The following SNX7 variants were observed in gnomAD, a reference collection of about 807,000 sequenced individuals.
The protein encoded by SNX7 is sorting nexin-7.
Under a neutral mutation model 48.4 loss-of-function variants are expected in SNX7, and 35 were observed. That is an observed-to-expected ratio of 0.72 (90% CI 0.55 to 0.96). The LOEUF is 0.96. Among genes scored for constraint, SNX7 ranks in the 40% least tolerant of loss-of-function variants. SNX7 has a pLI of 0.00. For synonymous variants in SNX7, 190 were observed against 190.2 expected, an observed-to-expected ratio of 1.00 and a Z score of 0.01; for missense variants, 553 against 548.9, an observed-to-expected ratio of 1.01 and a Z score of -0.07.
At chr1:98,666,708 T>G (rs1649555446) in intron 1 of SNX7, among the ~76,000 whole-genome samples, 1 of 152,122 alleles carries the variant, frequency 6.6e-6, no homozygotes, top group Non-Finnish European at 1.5e-5. Context: ...TCCTTGAACT[T>G]GGGTGGGATT....
chr1:98,732,995 A>G (rs11166093), intron 7 of SNX7, among the ~76,000 whole-genome samples: 27 of 152,222 alleles, frequency 1.8e-4, no homozygotes, highest in Non-Finnish European at 3.2e-4. Flanking sequence ...CGGTGTATCC[A>G]TATTACCTCC....
chr1:98,688,370 A>T (rs996688440), intron 2 of SNX7, among the ~76,000 whole-genome samples: 7 of 152,198 alleles, frequency 4.6e-5, no homozygotes, highest in African/African-American at 1.7e-4. Context: ...AGTGACTGTT[A>T]TAGAGAAGTA....
At chr1:98,728,681 A>G (rs895364995) in intron 7 of SNX7, among the ~76,000 whole-genome samples, 2 of 152,200 alleles carry the variant, frequency 1.3e-5, no homozygotes, top group African/African-American at 2.4e-5. Flanking sequence ...TTAAACCAAC[A>G]AAGATCAAAA....
chr1:98,717,249 C>T (rs1011924898), intron 7 of SNX7, among the ~76,000 whole-genome samples: 5 of 152,146 alleles, frequency 3.3e-5, no homozygotes, highest in African/African-American at 1.2e-4. Context: ...CCTAAATGTT[C>T]TGTGTGTATT....
chr1:98,667,996 TG>T (rs1454824651), intron 1 of SNX7, among the ~76,000 whole-genome samples: 1 of 152,154 alleles, frequency 6.6e-6, no homozygotes, highest in African/African-American at 2.4e-5. Flanking sequence ...ATATTTCTCT[TG>T]CAAAAAATTT....
chr1:98,691,085 G>A lies in SNX7; in HGVS notation c.374G>A (p.Gly125Glu), dbSNP rs1222604789. 1 of 1,603,652 alleles carries A rather than the reference G, an allele frequency of 6.2e-7. No individual in the cohort carries two copies. Among genetic ancestry groups the A allele is most frequent in the East Asian group, 2.3e-5 (1 of 44,366 alleles). Residue 125 changes from glycine (G) to glutamate (E), a missense_variant, in exon 3 of 9, where the codon GGG (glycine) becomes GAG (glutamate). Transcript: ENST00000306121. Reference protein sequence around the residue: ...TYRIITKTSRGEFDSSEFEVR... With the variant: ...TYRIITKTSREEFDSSEFEVR... ...TCTTACTTTCTTCAGACATCTCGTGGGGAATTTGACTCCAGTGAATTTGAA... is the reference window on the plus strand; with the variant it reads ...TCTTACTTTCTTCAGACATCTCGTGAGGAATTTGACTCCAGTGAATTTGAA...
rs1651102289 is a variant in SNX7, at chr1:98,691,185, A to G, written c.474A>G (p.Pro158=). The change falls in exon 3 of 9, where the codon CCA becomes CCG. Residue 158 remains proline (P), a splice_region_variant and synonymous_variant. Coordinates refer to ENST00000306121, the MANE Select transcript of SNX7 (RefSeq NM_015976.5). ...LEEAHPTLII[P]PLPEKFIVKG... is the part of the protein sequence containing the mutation. The stretch of plus-strand genomic sequence containing the variant: ...AAGCACACCCCACTCTGATTATTCC[A>G]GTAAGTTTGCAAAATTTTTTTTTTC... 1.3e-6 allele frequency: 2 copies of G among 1,586,218 alleles called. No individual in the cohort carries two copies. The highest frequency in any genetic ancestry group is 1.2e-5 in the South Asian group (1 of 85,984).
At chr1:98,684,765 TA>T (rs1650693119) in intron 1 of SNX7, 119 bp from the exon 2 acceptor site, 1 of 675,304 alleles carries the variant, frequency 1.5e-6, no homozygotes. Flanking sequence ...ATACCACATT[TA>T]ACTAAAAGTC....
chr1:98,732,152 T>G (rs191481593), intron 7 of SNX7, among the ~76,000 whole-genome samples: 1 of 152,280 alleles, frequency 6.6e-6, no homozygotes, highest in East Asian at 1.9e-4. Context: ...TTAAATACAT[T>G]TTTGGCTTAC....
chr1:98,746,228 T>G (rs1654302727), intron 8 of SNX7, among the ~76,000 whole-genome samples: 1 of 152,040 alleles, frequency 6.6e-6, no homozygotes, highest in Non-Finnish European at 1.5e-5. Flanking sequence ...ACAAATAACT[T>G]TTTAAAAATT....
At chr1:98,756,290 T>C (rs1269008995) in intron 8 of SNX7, among the ~76,000 whole-genome samples, 1 of 151,854 alleles carries the variant, frequency 6.6e-6, no homozygotes, top group Non-Finnish European at 1.5e-5. Flanking sequence ...GATTTTGCTA[T>C]TTTTAATTCA....
intron 2 of SNX7, among the ~76,000 whole-genome samples, chr1:98,689,138 C>T (rs1046002690): frequency 1.8e-4 from 27 of 152,090 alleles, no homozygotes; most frequent in African/African-American, 5.6e-4. Flanking sequence ...CTCCTGACCT[C>T]GTGATCTGCC....
chr1:98,711,027 A>G (rs1484331388), intron 7 of SNX7, among the ~76,000 whole-genome samples: 2 of 152,090 alleles, frequency 1.3e-5, no homozygotes, highest in East Asian at 3.9e-4. Context: ...ATAAATAGTT[A>G]TTATTTTGAG....
intron 7 of SNX7, among the ~76,000 whole-genome samples, chr1:98,737,725 G>T (rs1028284320): frequency 6.6e-6 from 1 of 152,078 alleles, no homozygotes; most frequent in African/African-American, 2.4e-5. Flanking sequence ...AGTAGAGTTT[G>T]CAGGTTAATC....
At chr1:98,719,933 T>C (rs1652777038) in intron 7 of SNX7, among the ~76,000 whole-genome samples, 2 of 149,858 alleles carry the variant, frequency 1.3e-5, no homozygotes, top group South Asian at 4.2e-4. Context: ...GTATATTATA[T>C]ATATTATTCA....
chr1:98,676,509 A>G (rs1007889602), intron 1 of SNX7, among the ~76,000 whole-genome samples: 7 of 152,172 alleles, frequency 4.6e-5, no homozygotes, highest in African/African-American at 1.7e-4. Context: ...TTCTTTCTTC[A>G]GTTAGCATAT....
chr1:98,661,921 G>A lies in SNX7; in HGVS notation c.180+10G>A. 4.0e-6 allele frequency: 5 copies of A among 1,246,930 alleles called. No individual in the cohort carries two copies. The highest frequency in any genetic ancestry group is 5.1e-6 in the Non-Finnish European group (5 of 987,370). The allele number at this position is 1,246,930 out of a possible 1,614,324, so 77.2% of individuals were successfully genotyped here. A position where few individuals can be genotyped will look rare whatever the true frequency, so the allele number is the denominator to read the frequency against. Reference sequence around the variant, plus strand: ...GGAGGTGTTCAGCAAGGTGAGGGCGGCGGCGGCGAGTCCCGGGAAACTTCC... The same window carrying A: ...GGAGGTGTTCAGCAAGGTGAGGGCGACGGCGGCGAGTCCCGGGAAACTTCC... On this transcript the variant is annotated intron_variant, in intron 1 of 8. Transcript: ENST00000306121.
At chr1:98,662,526 C>A in intron 1 of SNX7, 1 of 481,972 alleles carries the variant, frequency 2.1e-6, no homozygotes, top group Non-Finnish European at 3.3e-6. Context: ...ACAGCCAGTG[C>A]TTTCGTTTTT....
At chr1:98,702,663 G>A (rs1651810377) in intron 7 of SNX7, among the ~76,000 whole-genome samples, 1 of 152,038 alleles carries the variant, frequency 6.6e-6, no homozygotes, top group Non-Finnish European at 1.5e-5. Flanking sequence ...AGAGTAATTT[G>A]CCTAAGTTTA....
Sources: allele counts gnomAD v4.1 joint callset (sites outside exome capture counted in the v4.1 genomes callset), GRCh38; gene constraint gnomAD v4.1.1; transcripts MANE v1.5; gene names NCBI Gene and HGNC (gene_info 2026-07-23, HGNC 2026-07-21).